The following ZNF277 variants were observed in gnomAD, a reference collection of about 807,000 sequenced individuals.
ZNF277 encodes nuclear receptor-interacting factor 4.
Under a neutral mutation model 60.7 loss-of-function variants are expected in ZNF277, and 55 were observed. The ratio of observed to expected loss-of-function variants is 0.91; its 90% CI spans 0.73 to 1.13. The LOEUF is 1.13. Among genes scored for constraint, ZNF277 ranks in the 50% most tolerant of loss-of-function variants. The pLI, the probability that ZNF277 is intolerant of heterozygous loss-of-function variation, is 0.00. For synonymous variants in ZNF277, 178 were observed against 179.3 expected (o/e 0.99, Z 0.06); for missense variants, 510 against 523.0 (o/e 0.98, Z 0.24).
At chr7:112,334,013 T>G (rs1320435798) in intron 7 of ZNF277, among the ~76,000 whole-genome samples, 1 of 152,214 alleles carries the variant, frequency 6.6e-6, no homozygotes, top group Non-Finnish European at 1.5e-5. Flanking sequence ...ATTTTTATCA[T>G]TCTTTGATTT....
At chr7:112,323,151 A>C (rs1017320547) in intron 5 of ZNF277, among the ~76,000 whole-genome samples, 4 of 152,222 alleles carry the variant, frequency 2.6e-5, no homozygotes, top group African/African-American at 9.6e-5. Context: ...AGGGTTAATC[A>C]GAGGTGAGAG....
chr7:112,220,753 A>C (rs999561966), intron 1 of ZNF277, among the ~76,000 whole-genome samples: 1 of 152,184 alleles, frequency 6.6e-6, no homozygotes, highest in Non-Finnish European at 1.5e-5. Context: ...AACTTAGCTC[A>C]CACCCGACCA....
At chr7:112,322,994 G>C (rs185328277) in intron 5 of ZNF277, among the ~76,000 whole-genome samples, 1 of 151,184 alleles carries the variant, frequency 6.6e-6, no homozygotes, top group African/African-American at 2.4e-5. Context: ...TTCAGATAAT[G>C]ATCCGACAGA....
intron 2 of ZNF277, among the ~76,000 whole-genome samples, chr7:112,290,886 A>G (rs1371572901): frequency 6.6e-6 from 1 of 152,142 alleles, no homozygotes; most frequent in Non-Finnish European, 1.5e-5. Flanking sequence ...GGGAGGAGGG[A>G]ACATGAGAGA....
chr7:112,289,805 A>G (rs2117066679), intron 2 of ZNF277, among the ~76,000 whole-genome samples: 1 of 150,964 alleles, frequency 6.6e-6, no homozygotes, highest in East Asian at 2.0e-4. Flanking sequence ...GCTCAGTACA[A>G]CCTCCACCTC....
chr7:112,332,205 G>A (rs1338360420), intron 7 of ZNF277, among the ~76,000 whole-genome samples: 1 of 152,194 alleles, frequency 6.6e-6, no homozygotes, highest in Admixed American at 6.5e-5. Flanking sequence ...CAACTTTAGA[G>A]TCATATTGAT....
At chr7:112,260,147 T>C (rs1791410317) in intron 1 of ZNF277, among the ~76,000 whole-genome samples, 1 of 152,062 alleles carries the variant, frequency 6.6e-6, no homozygotes, top group Non-Finnish European at 1.5e-5. Flanking sequence ...GCGCCTGTGG[T>C]CCTAGCTACT....
intron 1 of ZNF277, 28 bp from the exon 2 acceptor site, chr7:112,286,841 CTTTT>C (rs10710470): frequency 8.6e-3 from 8,062 of 939,030 alleles, no homozygotes; most frequent in South Asian, 9.5e-3. Context: ...TTCTTTCTTT[CTTTT>C]TTTTTTTTTT....
chr7:112,220,391 C>T (rs1821994592), intron 1 of ZNF277, among the ~76,000 whole-genome samples: 1 of 151,786 alleles, frequency 6.6e-6, no homozygotes, highest in Non-Finnish European at 1.5e-5. Flanking sequence ...TATCCTGCAA[C>T]TTTACTGAGT....
chr7:112,300,123 G>T lies in ZNF277; in HGVS notation c.465+3812G>T, dbSNP rs530886948. The stretch of plus-strand genomic sequence containing the variant: ...CTGTTTTCTGTGTGAGTGGCTGGAG[G>T]TATATAGAGTTTAAATGATTCACTG... On this transcript the variant is annotated intron_variant, in intron 4 of 11. Transcript: ENST00000361822. 4.1e-4 allele frequency among the ~76,000 whole-genome samples: 63 copies of T among 152,232 alleles called. 1 individual carries two copies. The South Asian group carries it at 0.013, about 31-fold the overall frequency.
chr7:112,229,046 A>G (rs1212960252), intron 1 of ZNF277, among the ~76,000 whole-genome samples: 1 of 152,200 alleles, frequency 6.6e-6, no homozygotes, highest in Non-Finnish European at 1.5e-5. Context: ...TGCTTTTTGT[A>G]TTTATATCAT....
At position 112,234,462 on chromosome 7, in the gene ZNF277, C is replaced by T. The variant is rs759338143; in HGVS notation, c.91+27655C>T. 1.3e-4 allele frequency among the ~76,000 whole-genome samples: 20 copies of T among 152,266 alleles called. No individual in the cohort carries two copies. The South Asian group carries it at 1.4e-3, about 11-fold the overall frequency. ...GGACTCTTTTTAAAGAGCACTGTCA[C>T]ATTCATGAAAGCTCCATCCTCATGA... is the stretch of plus-strand genomic sequence containing the variant. On this transcript the variant is annotated intron_variant, in intron 1 of 11. Coordinates refer to ENST00000361822, the MANE Select transcript of ZNF277 (RefSeq NM_021994.3).
At chr7:112,229,171 A>C (rs1472146793) in intron 1 of ZNF277, among the ~76,000 whole-genome samples, 2 of 152,196 alleles carry the variant, frequency 1.3e-5, no homozygotes, top group Non-Finnish European at 2.9e-5. Flanking sequence ...GAGAAGAGTA[A>C]CTAGTACCAA....
intron 1 of ZNF277, among the ~76,000 whole-genome samples, chr7:112,236,388 G>A (rs1192291673): frequency 6.6e-6 from 1 of 152,012 alleles, no homozygotes; most frequent in Non-Finnish European, 1.5e-5. Flanking sequence ...ACTCTGGTCA[G>A]GTAGAGTCTG....
chr7:112,315,700 G>A (rs563685662), intron 4 of ZNF277, among the ~76,000 whole-genome samples: 16 of 152,136 alleles, frequency 1.1e-4, no homozygotes, highest in South Asian at 1.0e-3. Flanking sequence ...ACTTCAAATA[G>A]CAAATTAAAA....
intron 1 of ZNF277, among the ~76,000 whole-genome samples, chr7:112,276,003 G>T (rs923550428): frequency 6.6e-6 from 1 of 152,208 alleles, no homozygotes; most frequent in Non-Finnish European, 1.5e-5. Context: ...AGCTTCATCA[G>T]TGTTGTATTG....
chr7:112,287,528 CT>C (rs534311098), intron 2 of ZNF277: 2,926 of 138,420 alleles, frequency 0.021, 36 homozygotes, highest in African/African-American at 0.046. Context: ...ACTTCTGAGA[CT>C]TTTTTTTTTT....
chr7:112,272,393 T>G (rs1791691182), intron 1 of ZNF277, among the ~76,000 whole-genome samples: 1 of 150,808 alleles, frequency 6.6e-6, no homozygotes, highest in Non-Finnish European at 1.5e-5. Context: ...ACAGCAGATA[T>G]CTCTTCAATA....
At chr7:112,259,794 C>T (rs1025280850) in intron 1 of ZNF277, among the ~76,000 whole-genome samples, 4 of 152,092 alleles carry the variant, frequency 2.6e-5, no homozygotes, top group Non-Finnish European at 5.9e-5. Context: ...GGACTTTCAG[C>T]CTCTAGCATG....
Sources: allele counts gnomAD v4.1 joint callset (sites outside exome capture counted in the v4.1 genomes callset), GRCh38; gene constraint gnomAD v4.1.1; transcripts MANE v1.5; gene names NCBI Gene and HGNC (gene_info 2026-07-23, HGNC 2026-07-21).